The following GUCY2C variants were observed in gnomAD, a reference collection of about 807,000 sequenced individuals.
GUCY2C encodes guanylate cyclase 2C.
GUCY2C carries 118 observed loss-of-function variants against 131.1 expected under a neutral mutation model. The observed-to-expected ratio is 0.90, with a 90% CI of 0.78 to 1.05. GUCY2C has a LOEUF of 1.05. Ranked by LOEUF, GUCY2C falls within the 50% of genes least tolerant of loss-of-function variation. The pLI, the probability that GUCY2C is intolerant of heterozygous loss-of-function variation, is 0.00. For missense variants in GUCY2C, 1,161 were observed against 1,304.4 expected (o/e 0.89, Z 1.69); for synonymous variants, 452 against 457.8 (o/e 0.99, Z 0.16).
At chr12:14,630,495 CT>C (rs1036983569) in intron 19 of GUCY2C, among the ~76,000 whole-genome samples, 1 of 151,970 alleles carries the variant, frequency 6.6e-6, no homozygotes, top group Non-Finnish European at 1.5e-5. Context: ...ATGTACCGAC[CT>C]TTTTTTTCTT....
intron 24 of GUCY2C, among the ~76,000 whole-genome samples, chr12:14,617,189 T>C (rs113614423): frequency 0.014 from 2,086 of 152,292 alleles, 63 homozygotes; most frequent in African/African-American, 0.048. Flanking sequence ...CAGATGCAGG[T>C]GCTATTCTTC....
At position 14,653,006 on chromosome 12, in the gene GUCY2C, A is replaced by G. The variant is rs778611553; in HGVS notation, c.1479T>C (p.Asp493=). Residue 493 remains aspartate, a synonymous_variant, in exon 13 of 27, where the codon GAT becomes GAC. Transcript: ENST00000261170. ...TCTGGATTGTATCTCGTCTTTTGTC[A>G]TCATCGATCTGGCACAAGAAAAGGC... ...ETNHVSLKID[D]DKRRDTIQRL... 1.5e-5 allele frequency: 24 copies of G among 1,610,356 alleles called. No individual in the cohort carries two copies. The highest frequency in any genetic ancestry group is 2.0e-5 in the Non-Finnish European group (23 of 1,176,700).
intron 15 of GUCY2C, 66 bp downstream of exon 15, chr12:14,651,341 T>C (rs1426133523): frequency 1.2e-6 from 1 of 821,178 alleles, no homozygotes; most frequent in Non-Finnish European, 2.1e-6. Context: ...ACTCGGTAAA[T>C]ATTTTAAAAG....
rs745335107 is a variant in GUCY2C, at chr12:14,696,475, C to T, written c.-27G>A. ...ACCCCAATCACGTTAGAACCATACT[C>T]CTTGTGCCCACTTGCTTTGCTCTGT... On this transcript the variant is annotated 5_prime_UTR_variant, in exon 1 of 27. Coordinates refer to ENST00000261170, the MANE Select transcript of GUCY2C (RefSeq NM_004963.4). The T allele has an allele frequency of 6.4e-7, 1 of 1,573,514 alleles. No homozygotes were observed. The highest frequency in any genetic ancestry group is 8.7e-7 in the Non-Finnish European group (1 of 1,144,936).
Position 14,672,923 on chromosome 12 carries a change from C to T in GUCY2C, c.1120G>A (p.Asp374Asn). 6.2e-7 allele frequency: 1 copy of T among 1,606,472 alleles called. No homozygotes were observed. Among genetic ancestry groups the T allele is most frequent in the Non-Finnish European group, 8.5e-7 (1 of 1,173,072 alleles). ...AGAAGCACCATGGTACTGTCAACAT[C>T]CCCCCAGTCATCCAAGGTCACTGGA... ...DGPVTLDDWGDVDSTMVLLYT... is the reference protein window; with the variant it reads ...DGPVTLDDWGNVDSTMVLLYT... Residue 374 changes from aspartate to asparagine, a missense_variant, in exon 9 of 27, where the codon GAT (aspartate) becomes AAT (asparagine). Transcript: ENST00000261170.
chr12:14,689,857 A>G (rs1948544385), intron 1 of GUCY2C, among the ~76,000 whole-genome samples: 1 of 152,212 alleles, frequency 6.6e-6, no homozygotes, highest in Non-Finnish European at 1.5e-5. Context: ...TAAATAGTCT[A>G]TGAGAAAAAT....
rs760835568 is a variant in GUCY2C, at chr12:14,619,248, C to T, written c.2838G>A (p.Thr946=). The change falls in exon 24 of 27, where the codon ACG becomes ACA. Residue 946 remains threonine (T), a synonymous_variant. Coordinates refer to ENST00000261170, the MANE Select transcript of GUCY2C (RefSeq NM_004963.4). ...KMPRYCLFGD[T]VNTASRMEST... ...ATTCCATCCTAGAGGCTGTGTTGAC[C>T]GTATCTCCAAATAGACAATAACGAG... 85 of 1,611,980 alleles carry T rather than the reference C, an allele frequency of 5.3e-5. No individual in the cohort carries two copies. The highest frequency in any genetic ancestry group is 6.7e-5 in the Non-Finnish European group (79 of 1,178,234).
chr12:14,618,730 G>A (rs1172086237), intron 24 of GUCY2C, among the ~76,000 whole-genome samples: 1 of 152,120 alleles, frequency 6.6e-6, no homozygotes, highest in Non-Finnish European at 1.5e-5. Context: ...GAGCCCAGGA[G>A]TTCAAGTTTA....
At chr12:14,655,021 G>T (rs924124739) in intron 12 of GUCY2C, among the ~76,000 whole-genome samples, 4 of 152,144 alleles carry the variant, frequency 2.6e-5, no homozygotes, top group African/African-American at 9.7e-5. Context: ...AACAGACCAT[G>T]CCCAAATAAA....
intron 9 of GUCY2C, 21 bp from the exon 10 acceptor site, chr12:14,669,854 G>T: frequency 1.0e-6 from 1 of 965,266 alleles, no homozygotes; most frequent in Non-Finnish European, 1.6e-6. Flanking sequence ...GCACAAAAAA[G>T]AAAAAGGATG....
intron 4 of GUCY2C, among the ~76,000 whole-genome samples, 183 bp downstream of exon 4, chr12:14,682,859 T>G (rs1948376755): frequency 6.6e-6 from 1 of 152,244 alleles, no homozygotes; most frequent in South Asian, 2.1e-4. Flanking sequence ...ATACTGATTA[T>G]TTTTACAACT....
At chr12:14,651,800 CTTTCCAATATCTCTTGGTAGAAT>C (rs1947664771) in intron 14 of GUCY2C, among the ~76,000 whole-genome samples, 136 bp downstream of exon 14, 1 of 152,210 alleles carries the variant, frequency 6.6e-6, no homozygotes, top group East Asian at 1.9e-4. Context: ...GTCAACCTCA[CTTTCCAATATCTCTTGGTAGAAT>C]TTTCAACAAG....
chr12:14,619,165 G>GA (rs1467911326), intron 24 of GUCY2C, 46 bp downstream of exon 24: 1 of 1,150,228 alleles, frequency 8.7e-7, no homozygotes, highest in Middle Eastern at 1.9e-4. Flanking sequence ...CCCTCTGCTG[G>GA]AAAACAGCAT....
intron 19 of GUCY2C, among the ~76,000 whole-genome samples, chr12:14,639,463 A>AT (rs1414770637): frequency 6.6e-6 from 1 of 152,148 alleles, no homozygotes; most frequent in African/African-American, 2.4e-5. Flanking sequence ...ATGCTACCTT[A>AT]TTTGGAAAAA....
At chr12:14,668,490 AGATGGGATCTCAC>A (rs1948031144) in intron 10 of GUCY2C, among the ~76,000 whole-genome samples, 2 of 151,820 alleles carry the variant, frequency 1.3e-5, no homozygotes, top group Non-Finnish European at 2.9e-5. Flanking sequence ...ATGTTTGTAG[AGATGGGATCTCAC>A]TGTGTTGCCC....
At chr12:14,665,928 T>G (rs1947969361) in intron 10 of GUCY2C, 1 of 152,132 alleles carries the variant, frequency 6.6e-6, no homozygotes, top group Non-Finnish European at 1.5e-5. Context: ...ACGAGAAGAT[T>G]AAGGACACAG....
chr12:14,653,098 G>T, intron 12 of GUCY2C, 84 bp from the exon 13 acceptor site: 1 of 998,362 alleles, frequency 1.0e-6, no homozygotes, highest in Non-Finnish European at 1.6e-6. Flanking sequence ...GGCTCTTCCA[G>T]GTGGGCTGCA....
At chr12:14,666,748 AAAG>A (rs1469616648) in intron 10 of GUCY2C, among the ~76,000 whole-genome samples, 1 of 150,688 alleles carries the variant, frequency 6.6e-6, no homozygotes, top group African/African-American at 2.5e-5. Context: ...AAAAAAAAAA[AAAG>A]AGTAAGAAAA....
rs189641243 is a variant in GUCY2C, at chr12:14,680,434, A to G, written c.734-681T>C. Among the ~76,000 whole-genome samples, 10 of 152,274 alleles carry G rather than the reference A, an allele frequency of 6.6e-5. No individual in the cohort carries two copies. In the East Asian group the frequency reaches 1.7e-3, roughly 26 times the overall value. Reference sequence around the variant, plus strand: ...ACTCTTTAGGGACATAAATACTTATATATTTCTTTCCCACCATATCTTGGT... The same window carrying G: ...ACTCTTTAGGGACATAAATACTTATGTATTTCTTTCCCACCATATCTTGGT... On this transcript the variant is annotated intron_variant, in intron 5 of 26. Coordinates refer to ENST00000261170, the MANE Select transcript of GUCY2C (RefSeq NM_004963.4).
Sources: allele counts gnomAD v4.1 joint callset (sites outside exome capture counted in the v4.1 genomes callset), GRCh38; gene constraint gnomAD v4.1.1; transcripts MANE v1.5; gene names NCBI Gene and HGNC (gene_info 2026-07-23, HGNC 2026-07-21).